The following FKBP15 variants were observed in gnomAD, a reference collection of about 807,000 sequenced individuals.
FKBP15 encodes the protein FKBP prolyl isomerase family member 15.
A neutral mutation model predicts 158.1 loss-of-function variants in FKBP15; 106 were observed. The ratio of observed to expected loss-of-function variants is 0.67; its 90% CI spans 0.57 to 0.79. The LOEUF (loss-of-function observed/expected upper bound fraction) is 0.79. Among genes scored for constraint, FKBP15 ranks in the 30% least tolerant of loss-of-function variants. FKBP15 has a pLI of 0.00. For missense variants in FKBP15, 1,287 were observed against 1,479.1 expected (o/e 0.87, Z 2.13); for synonymous variants, 547 against 548.6 (o/e 1.00, Z 0.04).
At chr9:113,186,496 G>A (rs1210612361) in intron 14 of FKBP15, 133 bp from the exon 15 acceptor site, 11 of 676,482 alleles carry the variant, frequency 1.6e-5, no homozygotes, top group Admixed American at 4.8e-5. Context: ...AGATGGGTGA[G>A]ATCTGGGTTT....
chr9:113,178,008 G>GT (rs1490336322), intron 20 of FKBP15, among the ~76,000 whole-genome samples: 7 of 152,126 alleles, frequency 4.6e-5, no homozygotes, highest in African/African-American at 1.7e-4. Context: ...GAGATCAAAT[G>GT]TTCTAGAGAA....
intron 2 of FKBP15, among the ~76,000 whole-genome samples, chr9:113,210,225 C>T (rs879367571): frequency 4.6e-5 from 7 of 152,026 alleles, no homozygotes; most frequent in Non-Finnish European, 7.4e-5. Flanking sequence ...TGGGGGTGAG[C>T]TTAGCCAGAC....
intron 1 of FKBP15, 80 bp downstream of exon 1, chr9:113,221,111 G>A (rs1360156288): frequency 1.4e-6 from 2 of 1,449,944 alleles, no homozygotes; most frequent in Non-Finnish European, 1.9e-6. Flanking sequence ...GAAAAGGCCT[G>A]AGAAGAGATC....
At chr9:113,213,088 T>C (rs553276294) in intron 1 of FKBP15, among the ~76,000 whole-genome samples, 2 of 151,584 alleles carry the variant, frequency 1.3e-5, no homozygotes, top group African/African-American at 2.4e-5. Context: ...TACAAAAAAA[T>C]ATACAGAAAA....
At chr9:113,214,834 C>A (rs1231362117) in intron 1 of FKBP15, among the ~76,000 whole-genome samples, 1 of 152,242 alleles carries the variant, frequency 6.6e-6, no homozygotes, top group Non-Finnish European at 1.5e-5. Context: ...TAACTTGCTG[C>A]AGCTTGCAAT....
At chr9:113,177,828 C>A (rs918289963) in intron 20 of FKBP15, among the ~76,000 whole-genome samples, 1 of 152,186 alleles carries the variant, frequency 6.6e-6, no homozygotes, top group Non-Finnish European at 1.5e-5. Flanking sequence ...GTAGATTAAT[C>A]AACCTGCTGG....
chr9:113,215,078 TAAGG>T (rs1831091950), intron 1 of FKBP15, among the ~76,000 whole-genome samples: 4 of 152,258 alleles, frequency 2.6e-5, no homozygotes, highest in Non-Finnish European at 5.9e-5. Context: ...ATGTCAGCAA[TAAGG>T]CTGTTTTGCT....
intron 4 of FKBP15, among the ~76,000 whole-genome samples, chr9:113,205,324 G>T (rs941844108): frequency 6.6e-6 from 1 of 152,070 alleles, no homozygotes; most frequent in African/African-American, 2.4e-5. Context: ...ACAACAAAAA[G>T]ACAAACAATC....
intron 3 of FKBP15, chr9:113,206,913 T>G: frequency 2.3e-6 from 1 of 432,368 alleles, no homozygotes. Flanking sequence ...TCATATACTA[T>G]TCCCTTACTC....
At chr9:113,212,836 T>C (rs866841673) in intron 1 of FKBP15, among the ~76,000 whole-genome samples, 1 of 152,204 alleles carries the variant, frequency 6.6e-6, no homozygotes. Flanking sequence ...GCTATCCAAA[T>C]GCTGGTGATG....
In FKBP15 at chr9:113,161,989, AC is replaced by A. The variant is rs949680783; in HGVS notation, c.*4088del. On this transcript the variant is annotated 3_prime_UTR_variant, in exon 28 of 28. Transcript: ENST00000238256. ...TATCTAGCAAATGAGGTGGCCACCCACCCTCCCCCAAATCTCACCAGTTCCA... is the reference window on the plus strand; with the variant it reads ...TATCTAGCAAATGAGGTGGCCACCCACCTCCCCCAAATCTCACCAGTTCCA... 2.0e-6 allele frequency: 1 copy of A among 490,392 alleles called. No homozygotes were observed. Among genetic ancestry groups the A allele is most frequent in the African/African-American group, 2.0e-5 (1 of 50,442 alleles). 30.4% of individuals were successfully genotyped at this position (490,392 alleles called of 1,614,324 possible). A position where few individuals can be genotyped will look rare whatever the true frequency, so the allele number is the denominator to read the frequency against.
chr9:113,212,996 C>A (rs1436034216), intron 1 of FKBP15, among the ~76,000 whole-genome samples: 1 of 152,172 alleles, frequency 6.6e-6, no homozygotes, highest in Non-Finnish European at 1.5e-5. Context: ...CTTTTGTGCT[C>A]CAAGACCACT....
Position 113,162,993 on chromosome 9 carries a change from C to A in FKBP15, c.*3085G>T. ...TTCCAGACACTATACTTCCAACTGC[C>A]CTTTCTTCTGATGGCTATTCCTCCA... On this transcript the variant is annotated 3_prime_UTR_variant, in exon 28 of 28. Transcript: ENST00000238256. 1 of 1,321,024 alleles carries A rather than the reference C, an allele frequency of 7.6e-7. No individual in the cohort carries two copies. The highest frequency in any genetic ancestry group is 1.0e-6 in the Non-Finnish European group (1 of 988,218). 81.8% of individuals were successfully genotyped at this position (1,321,024 alleles called of 1,614,324 possible).
intron 24 of FKBP15, 108 bp from the exon 25 acceptor site, chr9:113,170,737 A>G: frequency 1.3e-6 from 1 of 770,468 alleles, no homozygotes; most frequent in South Asian, 1.4e-5. Flanking sequence ...AGATCTCTAC[A>G]CTGGGATACT....
In FKBP15 at chr9:113,212,747, G is replaced by T. The variant is rs968620063; in HGVS notation, c.54-1155C>A. ...ATTTGCCCAATCTTTAAATGTCCATGTCTCCAGGGCTTCATACTTTCTCTC... is the reference window on the plus strand; with the variant it reads ...ATTTGCCCAATCTTTAAATGTCCATTTCTCCAGGGCTTCATACTTTCTCTC... On this transcript the variant is annotated intron_variant, in intron 1 of 27. Transcript: ENST00000238256. Among the ~76,000 whole-genome samples, 5 of 152,178 alleles carry T rather than the reference G, an allele frequency of 3.3e-5. No individual in the cohort carries two copies. In the East Asian group the frequency reaches 7.7e-4, roughly 24 times the overall value.
intron 9 of FKBP15, among the ~76,000 whole-genome samples, chr9:113,195,951 T>A (rs1294450650): frequency 6.6e-6 from 1 of 152,090 alleles, no homozygotes; most frequent in Non-Finnish European, 1.5e-5. Context: ...TATATGAGCA[T>A]ATATGTGTGT....
intron 4 of FKBP15, among the ~76,000 whole-genome samples, chr9:113,205,214 A>C (rs1342576940): frequency 6.6e-6 from 1 of 152,236 alleles, no homozygotes; most frequent in Non-Finnish European, 1.5e-5. Context: ...AAACTTTTGT[A>C]CATCAAAGGA....
intron 20 of FKBP15, 23 bp from the exon 21 acceptor site, chr9:113,176,696 C>G (rs765388064): frequency 3.1e-6 from 5 of 1,605,492 alleles, no homozygotes; most frequent in Non-Finnish European, 4.3e-6. Context: ...AGCAGAGAGA[C>G]TTCGCTACAG....
At chr9:113,211,333 A>AT (rs909264121) in intron 2 of FKBP15, 144 bp downstream of exon 2, 45 of 571,542 alleles carry the variant, frequency 7.9e-5, no homozygotes, top group South Asian at 1.4e-4. Flanking sequence ...TAATTTTTGT[A>AT]TTTTTTTTAG....
Sources: gnomAD v4.1 joint callset for allele counts (sites outside exome capture counted in the v4.1 genomes callset) on GRCh38, gnomAD v4.1.1 for gene constraint, MANE v1.5 for transcripts, NCBI Gene and HGNC (gene_info 2026-07-23, HGNC 2026-07-21) for gene names.